The following TTC8 variants were observed in gnomAD, a reference collection of about 807,000 sequenced individuals.
TTC8 encodes tetratricopeptide repeat protein 8.
In TTC8, 47 loss-of-function variants were observed where a neutral mutation model predicts 72.5. That is an observed-to-expected ratio of 0.65 (90% CI 0.51 to 0.83). The LOEUF (loss-of-function observed/expected upper bound fraction) is 0.83, where lower values mean the gene tolerates loss of function less well. TTC8 is among the 40% of genes least tolerant of loss of function. TTC8 has a pLI of 0.00. For synonymous variants in TTC8, 199 were observed against 221.4 expected (o/e 0.90, Z 0.90); for missense variants, 611 against 623.2 (o/e 0.98, Z 0.21).
intron 2 of TTC8, 151 bp from the exon 3 acceptor site, chr14:88,839,301 G>A (rs1368336662): frequency 1.4e-6 from 1 of 725,334 alleles, no homozygotes; most frequent in East Asian, 3.0e-5. Context: ...ATTAGTTTTT[G>A]ACATGGCCCT....
chr14:88,869,472 C>T (rs1032506445), intron 10 of TTC8, among the ~76,000 whole-genome samples: 2 of 151,970 alleles, frequency 1.3e-5, no homozygotes, highest in African/African-American at 2.4e-5. Flanking sequence ...GATTGTTATT[C>T]CTCTCCTAAT....
downstream of TTC8, chr14:88,881,039 T>G (rs1465316445): frequency 6.6e-6 from 1 of 152,152 alleles, no homozygotes; most frequent in Non-Finnish European, 1.5e-5. Context: ...ATTACAATCT[T>G]GAGAGTAGTG....
chr14:88,842,955 T>G (rs1407774032), intron 6 of TTC8, among the ~76,000 whole-genome samples: 2 of 152,124 alleles, frequency 1.3e-5, no homozygotes, highest in Non-Finnish European at 2.9e-5. Context: ...AGGTTTGTTT[T>G]TTTTTTTAAA....
intron 2 of TTC8, 104 bp from the exon 3 acceptor site, chr14:88,839,348 T>C: frequency 1.7e-6 from 2 of 1,209,194 alleles, no homozygotes; most frequent in Non-Finnish European, 2.3e-6. Flanking sequence ...TAAACATGTT[T>C]AATATAAAAT....
chr14:88,857,933 T>G (rs1371121098), intron 9 of TTC8, among the ~76,000 whole-genome samples: 2 of 151,974 alleles, frequency 1.3e-5, no homozygotes, highest in East Asian at 3.9e-4. Context: ...ACAGCAGAAA[T>G]GATGGGGCCA....
intron 10 of TTC8, among the ~76,000 whole-genome samples, chr14:88,868,568 C>G (rs2094920699): frequency 6.6e-6 from 1 of 152,152 alleles, no homozygotes; most frequent in African/African-American, 2.4e-5. Flanking sequence ...TACCATATTT[C>G]ATGGACTCTA....
chr14:88,827,729 G>T (rs1248975433), intron 1 of TTC8, among the ~76,000 whole-genome samples: 2 of 152,134 alleles, frequency 1.3e-5, no homozygotes, highest in Non-Finnish European at 2.9e-5. Flanking sequence ...TTCCCAGAAT[G>T]ATTTTTCCCA....
chr14:88,879,381 C>T (rs1467720527), downstream of TTC8: 2 of 152,120 alleles, frequency 1.3e-5, no homozygotes, highest in African/African-American at 4.8e-5. Flanking sequence ...GGTGCTCAAT[C>T]CATAAATACA....
At chr14:88,862,593 TATA>T (rs2094892640) in intron 10 of TTC8, among the ~76,000 whole-genome samples, 2 of 82,914 alleles carry the variant, frequency 2.4e-5, no homozygotes, top group Non-Finnish European at 4.7e-5. Flanking sequence ...TATATATATA[TATA>T]TTTAGAGATG....
At position 88,871,724 on chromosome 14, in the gene TTC8, G is replaced by C; in HGVS notation, c.1224+1G>C. On this transcript the variant is annotated splice_donor_variant, in intron 12 of 14. Transcript: ENST00000380656. LOFTEE classifies it high-confidence loss of function. This position sits in a 1 kb window ranked among gnomAD's most constrained non-coding sequence, Gnocchi z 4.1. The stretch of plus-strand genomic sequence containing the variant: ...GTACAACTTGGGACATGTAGCTGTG[G>C]TATGTTGTCTTACTGATATAATTTC... The C allele has an allele frequency of 6.2e-7, 1 of 1,614,062 alleles. No homozygotes were observed.
chr14:88,834,223 G>A (rs17124886), intron 2 of TTC8, among the ~76,000 whole-genome samples: 3,488 of 152,230 alleles, frequency 0.023, 119 homozygotes, highest in East Asian at 0.16. Context: ...CAGTCACATC[G>A]AGCAAATCAG....
rs2273658 is a variant in TTC8 at position 88,852,854 on chromosome 14, G to A, written c.625-117G>A. On this transcript the variant is annotated intron_variant, in intron 7 of 14. Coordinates refer to ENST00000380656, the MANE Select transcript of TTC8 (RefSeq NM_144596.4). Reference sequence around the variant, plus strand: ...AACATGAGCAACTTGAGTTTCTGTCGGATTTCTAATGCACATTTTGATTGG... The same window carrying A: ...AACATGAGCAACTTGAGTTTCTGTCAGATTTCTAATGCACATTTTGATTGG... 1,008 of 899,074 alleles carry A rather than the reference G, an allele frequency of 1.1e-3. 8 individuals are homozygous for A. Among genetic ancestry groups the A allele is most frequent in the African/African-American group, 0.011 (673 of 60,088 alleles). 55.7% of individuals were successfully genotyped at this position (899,074 alleles called of 1,614,324 possible).
intron 7 of TTC8, among the ~76,000 whole-genome samples, chr14:88,845,939 A>AGGAAAGCAGATAAG (rs2094804184): frequency 6.6e-6 from 1 of 152,152 alleles, no homozygotes; most frequent in Non-Finnish European, 1.5e-5. Flanking sequence ...ACAAAGAAGC[A>AGGAAAGCAGATAAG]GGAAAGCAGA....
chr14:88,824,860 T>G (rs1338153444), intron 1 of TTC8, 39 bp downstream of exon 1: 2 of 1,547,352 alleles, frequency 1.3e-6, no homozygotes, highest in East Asian at 2.3e-5. Context: ...ATCCTGACGC[T>G]GAGGCTGCGG....
intron 10 of TTC8, among the ~76,000 whole-genome samples, chr14:88,866,505 G>A (rs2094910300): frequency 6.6e-6 from 1 of 151,782 alleles, no homozygotes; most frequent in Non-Finnish European, 1.5e-5. Context: ...TTAGGCTCTT[G>A]TTTCCTTTCA....
chr14:88,856,091 A>G (rs972782101), intron 8 of TTC8, among the ~76,000 whole-genome samples: 3 of 152,194 alleles, frequency 2.0e-5, no homozygotes, highest in Admixed American at 6.5e-5. Context: ...AAAGAAAGAA[A>G]AAGATTTGCA....
intron 7 of TTC8, chr14:88,846,567 A>T (rs1426971505): frequency 8.3e-7 from 1 of 1,199,442 alleles, no homozygotes; most frequent in Non-Finnish European, 1.2e-6. Flanking sequence ...AGCCATTTGT[A>T]GGTCATGGTG....
At chr14:88,834,801 T>C (rs2140964224) in intron 2 of TTC8, among the ~76,000 whole-genome samples, 1 of 152,284 alleles carries the variant, frequency 6.6e-6, no homozygotes, top group Admixed American at 6.5e-5. Flanking sequence ...TTGATTAAAA[T>C]TTAAAACATC....
chr14:88,875,109 G>C lies in TTC8; in HGVS notation c.1431G>C (p.Lys477Asn). 1 of 1,607,296 alleles carries C rather than the reference G, an allele frequency of 6.2e-7. No individual in the cohort carries two copies. Among genetic ancestry groups the C allele is most frequent in the Non-Finnish European group, 8.5e-7 (1 of 1,175,106 alleles). ...PHFNFATISD[K>N]IGDLQRSYVA... Reference sequence around the variant, plus strand: ...TTAATTTTGCAACAATCTCTGATAAGGTATTCTCTTTCTTCATTAATTTAT... The same window carrying C: ...TTAATTTTGCAACAATCTCTGATAACGTATTCTCTTTCTTCATTAATTTAT... Residue 477 changes from lysine (K) to asparagine (N), a missense_variant and splice_region_variant, in exon 14 of 15, where the codon AAG (lysine) becomes AAC (asparagine). By Grantham distance (94) the Lys-to-Asn change is moderately conservative (BLOSUM62 0). Coordinates refer to ENST00000380656, the MANE Select transcript of TTC8 (RefSeq NM_144596.4).
Sources: gnomAD v4.1 joint callset for allele counts (sites outside exome capture counted in the v4.1 genomes callset) on GRCh38, gnomAD v4.1.1 for gene constraint, Gnocchi (gnomAD v3.1) non-coding constraint, MANE v1.5 for transcripts, NCBI Gene and HGNC (gene_info 2026-07-23, HGNC 2026-07-21) for gene names.